DIP2C: variants seen among roughly 807,000 people sequenced by gnomAD.
DIP2C encodes the protein DIP2 acetate--CoA ligase C (putative).
DIP2C carries 33 observed loss-of-function variants against 192.4 expected under a neutral mutation model. The ratio of observed to expected loss-of-function variants is 0.17; its 90% CI spans 0.13 to 0.23. DIP2C has a LOEUF of 0.23. Ranked by LOEUF, DIP2C falls within the 10% of genes least tolerant of loss-of-function variation. The pLI is 1.00. For missense variants in DIP2C, 1,537 were observed against 2,110.1 expected (o/e 0.73, Z 5.32); for synonymous variants, 979 against 864.1 (o/e 1.13, Z -2.33).
intron 29 of DIP2C, among the ~76,000 whole-genome samples, chr10:329,945 G>A (rs544265448): frequency 1.3e-5 from 2 of 151,618 alleles, no homozygotes; most frequent in African/African-American, 2.4e-5. Context: ...ATCAAATTTC[G>A]GTTTAAAAAA....
At chr10:632,159 A>C (rs1473755590) in intron 1 of DIP2C, among the ~76,000 whole-genome samples, 1 of 152,262 alleles carries the variant, frequency 6.6e-6, no homozygotes, top group African/African-American at 2.4e-5. Context: ...GCAAACGTGG[A>C]CCACAAAACG....
At chr10:387,664 G>A in intron 14 of DIP2C, 81 bp downstream of exon 14, 2 of 1,198,688 alleles carry the variant, frequency 1.7e-6, no homozygotes, top group Non-Finnish European at 2.5e-6. Flanking sequence ...ACAGTATGGG[G>A]AGGGGGACTC....
In DIP2C at chr10:593,464, G is replaced by A. The variant is rs559345682; in HGVS notation, c.85+96030C>T. Among the ~76,000 whole-genome samples the A allele has an allele frequency of 5.8e-4, 82 of 141,590 alleles. 1 individual carries two copies. The highest frequency in any genetic ancestry group is 9.6e-4 in the Non-Finnish European group (63 of 65,510). 92.9% of individuals were successfully genotyped at this position (141,590 alleles called of 152,430 possible). A position where few individuals can be genotyped will look rare whatever the true frequency, so the allele number is the denominator to read the frequency against. On this transcript the variant is annotated intron_variant, in intron 1 of 36. Coordinates refer to ENST00000280886, the MANE Select transcript of DIP2C (RefSeq NM_014974.3). ...CCCCACACCCGGGTCTGTGCATGCC[G>A]CCCTGCTCTGCCCACGCGGGACCCC...
chr10:634,181 A>G (rs2131898540), intron 1 of DIP2C, among the ~76,000 whole-genome samples: 1 of 152,326 alleles, frequency 6.6e-6, no homozygotes, highest in East Asian at 1.9e-4. Flanking sequence ...AAACACTAAT[A>G]AAAACCTGGG....
intron 1 of DIP2C, among the ~76,000 whole-genome samples, chr10:590,104 G>T (rs930029191): frequency 6.6e-6 from 1 of 152,216 alleles, no homozygotes; most frequent in East Asian, 1.9e-4. Context: ...GGGAGGTCCC[G>T]GGAGTGACGT....
chr10:414,133 G>T (rs761763621), intron 7 of DIP2C, 23 bp from the exon 8 acceptor site: 2 of 1,596,482 alleles, frequency 1.3e-6, no homozygotes, highest in East Asian at 4.5e-5. Flanking sequence ...AATACAAGAG[G>T]TTACAAGAGA....
At chr10:672,112 C>T (rs1830678661) in intron 1 of DIP2C, among the ~76,000 whole-genome samples, 2 of 150,456 alleles carry the variant, frequency 1.3e-5, no homozygotes, top group Admixed American at 1.3e-4. Context: ...CACAGACGCA[C>T]GGAGGGAGGA....
chr10:422,457 T>A (rs1966259014), intron 5 of DIP2C, among the ~76,000 whole-genome samples: 1 of 152,142 alleles, frequency 6.6e-6, no homozygotes, highest in South Asian at 2.1e-4. Flanking sequence ...GTCAAGCAGC[T>A]GTGGTTAAAG....
chr10:660,498 C>T (rs1192374458), intron 1 of DIP2C, among the ~76,000 whole-genome samples: 2 of 152,166 alleles, frequency 1.3e-5, no homozygotes, highest in Admixed American at 6.5e-5. Flanking sequence ...GTCCCTGTTT[C>T]AAGCTCTGTG....
chr10:513,408 T>C (rs1846153617), intron 1 of DIP2C, among the ~76,000 whole-genome samples: 1 of 152,254 alleles, frequency 6.6e-6, no homozygotes, highest in Non-Finnish European at 1.5e-5. Context: ...AGTCTCCCCT[T>C]TACTCTCATC....
At chr10:679,467 C>A (rs1831034510) in intron 1 of DIP2C, among the ~76,000 whole-genome samples, 1 of 119,112 alleles carries the variant, frequency 8.4e-6, no homozygotes, top group Non-Finnish European at 1.7e-5. Flanking sequence ...ACCCGTCCTC[C>A]CCACACCCCT....
At chr10:347,777 G>A (rs112940501) in intron 26 of DIP2C, among the ~76,000 whole-genome samples, 16 of 134,580 alleles carry the variant, frequency 1.2e-4, no homozygotes, top group Middle Eastern at 5.1e-3. Flanking sequence ...CAGACACATC[G>A]CGCATAGTTC....
At chr10:350,522 A>G (rs1958739843) in intron 24 of DIP2C, among the ~76,000 whole-genome samples, 1 of 152,070 alleles carries the variant, frequency 6.6e-6, no homozygotes, top group Non-Finnish European at 1.5e-5. Context: ...TCTGTCTCAC[A>G]GCTATTAACA....
intron 2 of DIP2C, among the ~76,000 whole-genome samples, chr10:479,589 C>T (rs1161260650): frequency 1.3e-5 from 2 of 152,084 alleles, no homozygotes; most frequent in Non-Finnish European, 2.9e-5. Context: ...CCGCCTCAGC[C>T]TCCCAAAGTG....
rs766358221 is a variant in DIP2C at position 399,166 on chromosome 10, G to A, written c.1203C>T (p.Tyr401=). ...NDPAAFMAAF[Y]GCLLAEVVPV... The stretch of plus-strand genomic sequence containing the variant: ...GGACCACCTCGGCCAGCAGGCAGCC[G>A]TAGAAAGCCGCCATGAAGGCAGCCG... The change falls in exon 10 of 37, where the codon TAC becomes TAT. Residue 401 remains tyrosine, a synonymous_variant. Coordinates refer to ENST00000280886, the MANE Select transcript of DIP2C (RefSeq NM_014974.3). 68 of 1,613,888 alleles carry A rather than the reference G, an allele frequency of 4.2e-5. No homozygotes were observed. The highest frequency in any genetic ancestry group is 4.6e-5 in the Non-Finnish European group (54 of 1,180,038).
At chr10:640,623 A>G (rs3100852) in intron 1 of DIP2C, among the ~76,000 whole-genome samples, 2 of 146,460 alleles carry the variant, frequency 1.4e-5, no homozygotes, top group South Asian at 2.2e-4. Flanking sequence ...GCGGGGAAGA[A>G]GCTGCGCGCG....
chr10:572,847 A>T (rs1029847316), intron 1 of DIP2C, among the ~76,000 whole-genome samples: 1 of 152,198 alleles, frequency 6.6e-6, no homozygotes, highest in Non-Finnish European at 1.5e-5. Context: ...GGCAGCCAGG[A>T]AACTGCACTC....
intron 1 of DIP2C, among the ~76,000 whole-genome samples, chr10:529,101 G>T (rs989757343): frequency 6.6e-6 from 1 of 152,166 alleles, no homozygotes; most frequent in Non-Finnish European, 1.5e-5. Context: ...GCTCCCAGGA[G>T]TGGGGCAGAT....
chr10:278,034 G>A (rs1177363931), intron 36 of DIP2C, among the ~76,000 whole-genome samples: 1 of 152,178 alleles, frequency 6.6e-6, no homozygotes, highest in African/African-American at 2.4e-5. Context: ...GAGGCCGAGG[G>A]CAGGGGTGCC....
Sources: gnomAD v4.1 joint callset for allele counts (sites outside exome capture counted in the v4.1 genomes callset) on GRCh38, gnomAD v4.1.1 for gene constraint, MANE v1.5 for transcripts, NCBI Gene and HGNC (gene_info 2026-07-23, HGNC 2026-07-21) for gene names.